LSAMP: variants seen among roughly 807,000 people sequenced by gnomAD.
LSAMP encodes limbic system associated membrane protein, also known as limbic system-associated membrane protein.
A neutral mutation model predicts 38.6 loss-of-function variants in LSAMP; 7 were observed. The observed-to-expected ratio is 0.18, with a 90% CI of 0.10 to 0.34. The LOEUF (loss-of-function observed/expected upper bound fraction) is 0.34. Ranked by LOEUF, LSAMP falls within the 10% of genes least tolerant of loss-of-function variation. The probability of loss-of-function intolerance (pLI) is 1.00; values close to 1 mark genes in which losing one functional copy is unlikely to be tolerated. For missense variants in LSAMP, 313 were observed against 420.0 expected (o/e 0.75, Z 2.23); for synonymous variants, 154 against 166.8 (o/e 0.92, Z 0.59).
At chr3:116,017,088 C>G (rs1049656621) in intron 3 of LSAMP, among the ~76,000 whole-genome samples, 1 of 151,998 alleles carries the variant, frequency 6.6e-6, no homozygotes, top group Non-Finnish European at 1.5e-5. Flanking sequence ...ATTAAGGGGT[C>G]AAGTCACATG....
chr3:116,314,401 T>C (rs1337458127), intron 1 of LSAMP, among the ~76,000 whole-genome samples: 2 of 152,182 alleles, frequency 1.3e-5, no homozygotes, highest in Admixed American at 6.5e-5. Flanking sequence ...GTAGAACTCA[T>C]AGGCTGGTGG....
chr3:116,023,347 C>G (rs376777318), intron 2 of LSAMP, among the ~76,000 whole-genome samples: 70 of 151,854 alleles, frequency 4.6e-4, no homozygotes, highest in African/African-American at 1.6e-3. Flanking sequence ...GTAATCCCAG[C>G]ACTTTGGGAG....
chr3:116,445,307 G>A lies in LSAMP; in HGVS notation c.-276C>T, dbSNP rs2049496691. On this transcript the variant is annotated 5_prime_UTR_variant, in exon 1 of 7. Transcript: ENST00000490035. Reference sequence around the variant, plus strand: ...AGTGCAAATAGCAAGCCCTCTGGAAGAGCTGAAGAGGAAGCCAAAGGAAAG... The same window carrying A: ...AGTGCAAATAGCAAGCCCTCTGGAAAAGCTGAAGAGGAAGCCAAAGGAAAG... The A allele has an allele frequency of 1.4e-5, 8 of 570,350 alleles. No homozygotes were observed. The highest frequency in any genetic ancestry group is 1.9e-5 in the Non-Finnish European group (6 of 324,170). The allele number at this position is 570,350 out of a possible 1,614,324, so 35.3% of individuals were successfully genotyped here.
At chr3:116,224,044 G>T (rs1370961168) in intron 1 of LSAMP, among the ~76,000 whole-genome samples, 1 of 151,534 alleles carries the variant, frequency 6.6e-6, no homozygotes, top group Non-Finnish European at 1.5e-5. Flanking sequence ...ATTCCATGCT[G>T]TAGTACTACC....
intron 3 of LSAMP, among the ~76,000 whole-genome samples, chr3:115,901,032 C>A (rs1936860477): frequency 6.6e-6 from 1 of 152,134 alleles, no homozygotes; most frequent in Admixed American, 6.6e-5. Context: ...TTCCTATATT[C>A]ACCTTTGCTT....
chr3:116,103,205 C>A (rs1352877472), intron 1 of LSAMP, among the ~76,000 whole-genome samples: 1 of 151,858 alleles, frequency 6.6e-6, no homozygotes, highest in Non-Finnish European at 1.5e-5. Flanking sequence ...GTGGCTCACA[C>A]CTATAATCCC....
At chr3:116,241,779 A>G (rs1158960295) in intron 1 of LSAMP, among the ~76,000 whole-genome samples, 2 of 152,228 alleles carry the variant, frequency 1.3e-5, no homozygotes, top group Admixed American at 6.5e-5. Context: ...TGTCCACTGC[A>G]TATTCTCATG....
chr3:116,108,348 C>T (rs1708516623), intron 1 of LSAMP, among the ~76,000 whole-genome samples: 1 of 152,064 alleles, frequency 6.6e-6, no homozygotes, highest in South Asian at 2.1e-4. Flanking sequence ...AGAGTACTGT[C>T]TAAGTTGGCT....
chr3:116,189,291 TGAG>T (rs970593895), intron 1 of LSAMP, among the ~76,000 whole-genome samples: 5 of 152,146 alleles, frequency 3.3e-5, no homozygotes, highest in African/African-American at 1.2e-4. Flanking sequence ...GAAATATTTT[TGAG>T]AAGAGAGTGG....
intron 3 of LSAMP, among the ~76,000 whole-genome samples, chr3:115,990,970 A>T (rs1375087017): frequency 1.3e-5 from 2 of 152,094 alleles, no homozygotes; most frequent in African/African-American, 4.8e-5. Flanking sequence ...ATATTGTGCA[A>T]GGCCAATTAC....
intron 1 of LSAMP, among the ~76,000 whole-genome samples, chr3:116,303,285 C>T (rs921284611): frequency 2.6e-5 from 4 of 152,032 alleles, no homozygotes; most frequent in Non-Finnish European, 5.9e-5. Flanking sequence ...TTGCCATACA[C>T]CATTAGAGTT....
intron 2 of LSAMP, among the ~76,000 whole-genome samples, chr3:116,048,532 A>G: frequency 6.6e-6 from 1 of 152,236 alleles, no homozygotes; most frequent in East Asian, 1.9e-4. Flanking sequence ...AAATATAAAC[A>G]GAGTCACATG....
chr3:116,158,710 A>G (rs760218894), intron 1 of LSAMP, among the ~76,000 whole-genome samples: 15 of 152,168 alleles, frequency 9.9e-5, no homozygotes, highest in Non-Finnish European at 2.1e-4. Flanking sequence ...TGACACAAAC[A>G]TATGGAAAAA....
chr3:116,052,339 C>A (rs1473470506), intron 2 of LSAMP, among the ~76,000 whole-genome samples: 1 of 152,080 alleles, frequency 6.6e-6, no homozygotes, highest in African/African-American at 2.4e-5. Context: ...CACCCCAACT[C>A]AAAATTTAGA....
chr3:115,966,944 G>A (rs1382657962), intron 3 of LSAMP, among the ~76,000 whole-genome samples: 1 of 152,150 alleles, frequency 6.6e-6, no homozygotes, highest in African/African-American at 2.4e-5. Context: ...GAAGGGGAAG[G>A]GGATGAAACC....
chr3:116,424,058 G>GA (rs2049162726), intron 1 of LSAMP, among the ~76,000 whole-genome samples: 2 of 152,184 alleles, frequency 1.3e-5, no homozygotes, highest in Non-Finnish European at 2.9e-5. Context: ...GGTTAGTTGA[G>GA]AATGAGTCAG....
intron 6 of LSAMP, among the ~76,000 whole-genome samples, chr3:115,828,497 C>T (rs1051316331): frequency 2.7e-4 from 41 of 152,264 alleles, no homozygotes; most frequent in African/African-American, 9.1e-4. Context: ...CTGCTATGCC[C>T]ATGTTAACTG....
At position 115,809,430 on chromosome 3, in the gene LSAMP, C is replaced by G. The variant is rs1242614715; in HGVS notation, c.*887G>C. The G allele has an allele frequency of 6.5e-6, 1 of 153,608 alleles. No individual in the cohort carries two copies. Among genetic ancestry groups the G allele is most frequent in the Non-Finnish European group, 1.4e-5 (1 of 69,222 alleles). 9.5% of individuals were successfully genotyped at this position (153,608 alleles called of 1,614,324 possible). A position where few individuals can be genotyped will look rare whatever the true frequency, so the allele number is the denominator to read the frequency against. ...CCTCTTTCCCCGCCATCTCCCCCAG[C>G]AACTTGTTACAGCCGCATCTCACAA... On this transcript the variant is annotated 3_prime_UTR_variant, in exon 7 of 7. Coordinates refer to ENST00000490035, the MANE Select transcript of LSAMP (RefSeq NM_002338.5).
chr3:116,345,020 T>G (rs2048046963), intron 1 of LSAMP, among the ~76,000 whole-genome samples: 1 of 152,196 alleles, frequency 6.6e-6, no homozygotes, highest in Non-Finnish European at 1.5e-5. Context: ...TGTTACATAT[T>G]TGATTTGTTT....
Sources: allele counts gnomAD v4.1 joint callset (sites outside exome capture counted in the v4.1 genomes callset), GRCh38; gene constraint gnomAD v4.1.1; transcripts MANE v1.5; gene names NCBI Gene and HGNC (gene_info 2026-07-23, HGNC 2026-07-21).